NEBL: variants seen among roughly 807,000 people sequenced by gnomAD.
The protein encoded by NEBL is nebulette, also known as LIM and SH3 protein 2.
A neutral mutation model predicts 140.2 loss-of-function variants in NEBL; 122 were observed. The observed-to-expected ratio is 0.87, with a 90% CI of 0.75 to 1.01. The LOEUF is 1.01. Ranked by LOEUF, NEBL falls within the 50% of genes least tolerant of loss-of-function variation. The probability of loss-of-function intolerance (pLI) is 0.00; values close to 1 mark genes in which losing one functional copy is unlikely to be tolerated. For missense variants in NEBL, 1,365 were observed against 1,231.3 expected, an observed-to-expected ratio of 1.11 and a Z score of -1.62; for synonymous variants, 436 against 398.9, an observed-to-expected ratio of 1.09 and a Z score of -1.11.
chr10:21,200,109 C>T (rs754009080), intron 3 of NEBL, among the ~76,000 whole-genome samples: 3 of 151,958 alleles, frequency 2.0e-5, no homozygotes, highest in Non-Finnish European at 4.4e-5. Flanking sequence ...AATGGTGTTT[C>T]CATTTCTGCC....
chr10:21,156,042 A>G (rs1052228939), intron 2 of NEBL, among the ~76,000 whole-genome samples: 2 of 152,208 alleles, frequency 1.3e-5, no homozygotes, highest in African/African-American at 4.8e-5. Context: ...CGGTTCATAG[A>G]AAAGTTAAAA....
chr10:20,918,712 G>C (rs555972470), intron 4 of NEBL, among the ~76,000 whole-genome samples: 1 of 151,364 alleles, frequency 6.6e-6, no homozygotes, highest in Non-Finnish European at 1.5e-5. Context: ...CTATACAGGC[G>C]TGGTGGCGGG....
At chr10:21,283,118 A>T (rs979994784) in intron 1 of NEBL, among the ~76,000 whole-genome samples, 2 of 142,234 alleles carry the variant, frequency 1.4e-5, no homozygotes, top group Non-Finnish European at 3.1e-5. Flanking sequence ...CCTGGGCGAC[A>T]GGGCAAGACT....
chr10:20,869,962 A>AAGGTC, intron 5 of NEBL, 121 bp from the exon 6 acceptor site: 2 of 745,690 alleles, frequency 2.7e-6, no homozygotes, highest in Non-Finnish European at 4.7e-6. Context: ...TACTGACCTT[A>AAGGTC]AGTTGGCTTT....
At chr10:21,174,027 C>A (rs949934394) in exon 1 of NEBL, 4 of 1,146,826 alleles carry the variant, frequency 3.5e-6, no homozygotes, top group Non-Finnish European at 4.3e-6. Context: ...TGGGGCCGGC[C>A]GCGCTCTCGG....
chr10:21,030,141 A>C (rs1833718214), intron 2 of NEBL: 1 of 471,584 alleles, frequency 2.1e-6, no homozygotes, highest in Non-Finnish European at 4.1e-6. Context: ...AAAGTAGAAG[A>C]ATGGCTACAG....
intron 3 of NEBL, among the ~76,000 whole-genome samples, chr10:21,187,636 C>T (rs576731403): frequency 3.5e-4 from 53 of 152,186 alleles, no homozygotes; most frequent in African/African-American, 1.3e-3. Context: ...ACCTCAGCCT[C>T]CTGAGTAGCT....
At chr10:20,811,352 A>T (rs1374200255) in intron 24 of NEBL, among the ~76,000 whole-genome samples, 4 of 152,196 alleles carry the variant, frequency 2.6e-5, no homozygotes, top group Non-Finnish European at 1.5e-5. Flanking sequence ...GCCTGGAAGT[A>T]AGCTGTACAG....
At chr10:20,814,954 T>C (rs897963150) in intron 22 of NEBL, among the ~76,000 whole-genome samples, 47 of 152,324 alleles carry the variant, frequency 3.1e-4, no homozygotes, top group African/African-American at 1.1e-3. Context: ...AAACAGCTAT[T>C]CAGGGTATGC....
intron 3 of NEBL, among the ~76,000 whole-genome samples, chr10:21,229,346 G>A (rs1219598695): frequency 6.6e-6 from 1 of 152,178 alleles, no homozygotes; most frequent in African/African-American, 2.4e-5. Context: ...ACTTGAGCCC[G>A]AGTGGTTGAG....
intron 11 of NEBL, among the ~76,000 whole-genome samples, chr10:20,849,610 T>C (rs535318592): frequency 1.6e-4 from 24 of 152,196 alleles, no homozygotes; most frequent in South Asian, 4.1e-4. Context: ...TCTTTCCACC[T>C]TCTGCCATGG....
rs577748786 is a variant in NEBL, at chr10:21,065,008, A to G, written c.165-44807T>C. On this transcript the variant is annotated intron_variant, in intron 2 of 6. Transcript: ENST00000417816. ...TTTTAGGGAAGGTGTGTTGGAATAC[A>G]TATTTAATATAAGTAGTTCTCCATA... is the stretch of plus-strand genomic sequence containing the variant. 3.3e-5 allele frequency among the ~76,000 whole-genome samples: 5 copies of G among 152,314 alleles called. No homozygotes were observed. The South Asian group carries it at 1.0e-3, about 32-fold the overall frequency.
intron 3 of NEBL, among the ~76,000 whole-genome samples, chr10:21,208,361 A>T (rs945067722): frequency 2.6e-5 from 4 of 152,164 alleles, no homozygotes; most frequent in Non-Finnish European, 4.4e-5. Flanking sequence ...CAGTTAAGGG[A>T]ACTATAATCT....
chr10:20,807,969 G>C, intron 26 of NEBL, among the ~76,000 whole-genome samples: 1 of 147,444 alleles, frequency 6.8e-6, no homozygotes. Context: ...ACAATCAATA[G>C]TATTTCTCAT....
At chr10:21,151,713 G>GT (rs113729422) in intron 2 of NEBL, among the ~76,000 whole-genome samples, 4,383 of 152,042 alleles carry the variant, frequency 0.029, 199 homozygotes, top group African/African-American at 0.097. Flanking sequence ...CACGCCCCAG[G>GT]TTCACTCCGT....
At chr10:21,115,208 G>A (rs1462173341) in intron 2 of NEBL, among the ~76,000 whole-genome samples, 1 of 151,748 alleles carries the variant, frequency 6.6e-6, no homozygotes, top group Non-Finnish European at 1.5e-5. Flanking sequence ...CCTGGCCTTT[G>A]TGCTACTATT....
At chr10:20,855,373 A>G (rs1473631255) in intron 9 of NEBL, among the ~76,000 whole-genome samples, 4 of 152,000 alleles carry the variant, frequency 2.6e-5, no homozygotes, top group Admixed American at 2.0e-4. Context: ...AACATAGTCC[A>G]TTACTGAGTT....
intron 3 of NEBL, among the ~76,000 whole-genome samples, chr10:21,243,962 G>T (rs1211547923): frequency 1.3e-5 from 2 of 151,638 alleles, no homozygotes; most frequent in Admixed American, 6.6e-5. Context: ...GGAAGAGGAC[G>T]GAAGGGAGGG....
intron 2 of NEBL, among the ~76,000 whole-genome samples, chr10:21,121,721 G>T (rs574575301): frequency 7.2e-5 from 11 of 152,140 alleles, no homozygotes; most frequent in African/African-American, 2.4e-4. Flanking sequence ...AATGTCACCG[G>T]GGAAAGACAG....
Sources: gnomAD v4.1 joint callset for allele counts (sites outside exome capture counted in the v4.1 genomes callset) on GRCh38, gnomAD v4.1.1 for gene constraint, MANE v1.5 for transcripts, NCBI Gene and HGNC (gene_info 2026-07-23, HGNC 2026-07-21) for gene names.